The following CD2AP variants were observed in gnomAD, a reference collection of about 807,000 sequenced individuals.
CD2AP encodes CD2-associated protein.
In CD2AP, 46 loss-of-function variants were observed where a neutral mutation model predicts 85.1. That is an observed-to-expected ratio of 0.54 (90% CI 0.43 to 0.69). The LOEUF (loss-of-function observed/expected upper bound fraction) is 0.69, where lower values mean the gene tolerates loss of function less well. Among genes scored for constraint, CD2AP ranks in the 30% least tolerant of loss-of-function variants. CD2AP has a pLI of 0.00. For missense variants in CD2AP, 769 were observed against 729.5 expected, an observed-to-expected ratio of 1.05 and a Z score of -0.62; for synonymous variants, 255 against 252.9, an observed-to-expected ratio of 1.01 and a Z score of -0.08.
intron 4 of CD2AP, among the ~76,000 whole-genome samples, chr6:47,551,092 T>C (rs766165866): frequency 2.6e-5 from 4 of 152,066 alleles, no homozygotes; most frequent in Non-Finnish European, 5.9e-5. Context: ...TGTATACTCC[T>C]CAGGTGATGG....
intron 2 of CD2AP, among the ~76,000 whole-genome samples, chr6:47,528,814 A>AT (rs1467344439): frequency 3.3e-5 from 5 of 152,008 alleles, no homozygotes; most frequent in South Asian, 4.1e-4. Flanking sequence ...GATCACAGAG[A>AT]TTTTTTTGGA....
chr6:47,512,471 C>T (rs1203076362), intron 2 of CD2AP, among the ~76,000 whole-genome samples: 1 of 152,154 alleles, frequency 6.6e-6, no homozygotes, highest in Non-Finnish European at 1.5e-5. Flanking sequence ...TACTGAAGAA[C>T]AATGATAGTC....
At chr6:47,540,221 GT>G (rs888056941) in intron 3 of CD2AP, among the ~76,000 whole-genome samples, 6 of 149,686 alleles carry the variant, frequency 4.0e-5, no homozygotes, top group Non-Finnish European at 8.9e-5. Context: ...TAGTTACAGT[GT>G]TTTTTTTAAA....
chr6:47,507,491 G>GA (rs1158379125), intron 2 of CD2AP, among the ~76,000 whole-genome samples: 3 of 151,966 alleles, frequency 2.0e-5, no homozygotes, highest in African/African-American at 7.2e-5. Context: ...ATTTAGTGGG[G>GA]CGATCTTGGC....
chr6:47,585,302 C>CAA (rs113598973), intron 11 of CD2AP, among the ~76,000 whole-genome samples: 2 of 126,066 alleles, frequency 1.6e-5, no homozygotes, highest in African/African-American at 3.0e-5. Context: ...GACTCCGTCT[C>CAA]AAAAAAAAAA....
intron 11 of CD2AP, among the ~76,000 whole-genome samples, chr6:47,585,070 G>T (rs1292565679): frequency 6.6e-6 from 1 of 151,666 alleles, no homozygotes; most frequent in African/African-American, 2.4e-5. Flanking sequence ...GAGGTGGGCG[G>T]ATCATGAGGT....
chr6:47,500,820 C>CA (rs898628487), intron 1 of CD2AP, among the ~76,000 whole-genome samples: 98 of 151,350 alleles, frequency 6.5e-4, no homozygotes, highest in African/African-American at 2.2e-3. Flanking sequence ...AATCTTGGCT[C>CA]ACTGCAACCT....
At chr6:47,587,145 A>AGG (rs1206049372) in intron 11 of CD2AP, among the ~76,000 whole-genome samples, 1 of 152,186 alleles carries the variant, frequency 6.6e-6, no homozygotes, top group Non-Finnish European at 1.5e-5. Flanking sequence ...TAGTTGAGAG[A>AGG]GGGAGCATTT....
intron 1 of CD2AP, among the ~76,000 whole-genome samples, chr6:47,493,116 G>C (rs914745026): frequency 6.6e-6 from 1 of 151,888 alleles, no homozygotes; most frequent in Non-Finnish European, 1.5e-5. Flanking sequence ...TTATCTTTTA[G>C]ATCAATTAAG....
At chr6:47,497,914 G>A (rs1582478000) in intron 1 of CD2AP, among the ~76,000 whole-genome samples, 2 of 152,260 alleles carry the variant, frequency 1.3e-5, no homozygotes, top group African/African-American at 2.4e-5. Flanking sequence ...AGTATAGACT[G>A]TTTGTTCCTT....
chr6:47,606,884 C>T (rs555317371), intron 14 of CD2AP, among the ~76,000 whole-genome samples: 42 of 152,074 alleles, frequency 2.8e-4, no homozygotes, highest in Admixed American at 1.3e-3. Flanking sequence ...AGTAGTTACC[C>T]TGATGCTACC....
At position 47,566,301 on chromosome 6, in the gene CD2AP, AATAT is replaced by A. The variant is rs71831752; in HGVS notation, c.542-7743_542-7740del. ...TATTGTCTGTCTACCTGCTCATTAG[AATAT>A]ATATATATATATATATATACACATA... On this transcript the variant is annotated intron_variant, in intron 5 of 17. Transcript: ENST00000359314. 2.0e-4 allele frequency among the ~76,000 whole-genome samples: 22 copies of A among 110,208 alleles called. 1 individual carries two copies. The highest frequency in any genetic ancestry group is 7.1e-4 in the East Asian group (3 of 4,214). 72.3% of individuals were successfully genotyped at this position (110,208 alleles called of 152,430 possible).
At chr6:47,505,904 C>T (rs1766147150) in intron 2 of CD2AP, among the ~76,000 whole-genome samples, 4 of 112,482 alleles carry the variant, frequency 3.6e-5, no homozygotes, top group Non-Finnish European at 7.7e-5. Context: ...GGGGGCTGAC[C>T]CCCCCCACCT....
intron 2 of CD2AP, among the ~76,000 whole-genome samples, chr6:47,511,255 A>T (rs1337446322): frequency 6.6e-6 from 1 of 152,160 alleles, no homozygotes; most frequent in Non-Finnish European, 1.5e-5. Context: ...TCTTCCCCAA[A>T]GTCCATGATC....
At chr6:47,552,801 A>G (rs528781424) in intron 4 of CD2AP, among the ~76,000 whole-genome samples, 43 of 152,246 alleles carry the variant, frequency 2.8e-4, no homozygotes, top group African/African-American at 9.6e-4. Flanking sequence ...TTTAAGTCTG[A>G]TAAAAATTCT....
chr6:47,547,435 G>C (rs1767394347), intron 4 of CD2AP, among the ~76,000 whole-genome samples: 1 of 151,728 alleles, frequency 6.6e-6, no homozygotes, highest in Admixed American at 6.6e-5. Context: ...AGACAAAGAG[G>C]GACATTACAT....
chr6:47,508,656 C>T (rs1001175276), intron 2 of CD2AP, among the ~76,000 whole-genome samples: 1 of 151,168 alleles, frequency 6.6e-6, no homozygotes, highest in African/African-American at 2.4e-5. Flanking sequence ...AGTGATTCTC[C>T]TGCCCAGTCT....
chr6:47,484,693 G>C (rs1168029750), intron 1 of CD2AP, among the ~76,000 whole-genome samples: 1 of 152,010 alleles, frequency 6.6e-6, no homozygotes, highest in East Asian at 1.9e-4. Context: ...TCATGATCTT[G>C]TTCAGTTTCT....
intron 6 of CD2AP, among the ~76,000 whole-genome samples, chr6:47,574,686 C>T (rs1033124568): frequency 6.6e-6 from 1 of 151,616 alleles, no homozygotes; most frequent in Admixed American, 6.6e-5. Context: ...TTTGGCACTA[C>T]TTAAATTTCC....
Sources: gnomAD v4.1 joint callset for allele counts (sites outside exome capture counted in the v4.1 genomes callset) on GRCh38, gnomAD v4.1.1 for gene constraint, MANE v1.5 for transcripts, NCBI Gene and HGNC (gene_info 2026-07-23, HGNC 2026-07-21) for gene names.